PDS5B: variants seen among roughly 807,000 people sequenced by gnomAD.
The protein encoded by PDS5B is sister chromatid cohesion protein PDS5 homolog B.
A neutral mutation model predicts 184.1 loss-of-function variants in PDS5B; 51 were observed. The observed-to-expected ratio is 0.28, with a 90% CI of 0.22 to 0.35. The LOEUF is 0.35. Among genes scored for constraint, PDS5B ranks in the 10% least tolerant of loss-of-function variants. PDS5B has a pLI of 1.00. For synonymous variants in PDS5B, 566 were observed against 569.2 expected (o/e 0.99, Z 0.08); for missense variants, 1,180 against 1,723.3 (o/e 0.68, Z 5.58).
At chr13:32,750,835 C>T (rs191960982) in intron 24 of PDS5B, among the ~76,000 whole-genome samples, 2 of 147,084 alleles carry the variant, frequency 1.4e-5, no homozygotes, top group East Asian at 2.0e-4. Context: ...AGCCACTGCG[C>T]CCGGCCTCCC....
intron 3 of PDS5B, among the ~76,000 whole-genome samples, chr13:32,655,370 A>ATTTTTTTTTTTTTTTTTTTTTTT (rs1228061305): frequency 7.4e-5 from 2 of 26,946 alleles, no homozygotes; most frequent in Non-Finnish European, 1.3e-4. Context: ...ATATATATAT[A>ATTTTTTTTTTTTTTTTTTTTTTT]TATATTTTTT....
At chr13:32,752,836 C>A (rs1566411033) in intron 24 of PDS5B, among the ~76,000 whole-genome samples, 1 of 152,068 alleles carries the variant, frequency 6.6e-6, no homozygotes, top group Non-Finnish European at 1.5e-5. Flanking sequence ...CTTTTTATTT[C>A]TTTATTAAGA....
chr13:32,640,318 C>T (rs1190290087), intron 1 of PDS5B, among the ~76,000 whole-genome samples: 6 of 152,240 alleles, frequency 3.9e-5, no homozygotes, highest in Non-Finnish European at 8.8e-5. Context: ...ACGATCTCAG[C>T]TCACTGCAAC....
Position 32,753,554 on chromosome 13 carries a change from TG to T in PDS5B, c.2941+20del. On this transcript the variant is annotated intron_variant, in intron 25 of 34. Transcript: ENST00000315596. ...TGTTAGTGGTAAGCATATAAGAAAA[TG>T]GAAAGGATACTTTTTCAGCCTGCTA... 1 of 1,557,830 alleles carries T rather than the reference TG, an allele frequency of 6.4e-7. No homozygotes were observed. The highest frequency in any genetic ancestry group is 8.8e-7 in the Non-Finnish European group (1 of 1,138,080).
intron 7 of PDS5B, among the ~76,000 whole-genome samples, chr13:32,668,384 G>A (rs1333554288): frequency 6.6e-6 from 1 of 152,094 alleles, no homozygotes; most frequent in African/African-American, 2.4e-5. Context: ...AATAAAATGA[G>A]ACCTTTCAGT....
At chr13:32,642,122 C>T (rs17077706) in intron 1 of PDS5B, among the ~76,000 whole-genome samples, 1,579 of 152,294 alleles carry the variant, frequency 0.01, 37 homozygotes, top group African/African-American at 0.035. Flanking sequence ...TCATTGCCTA[C>T]AGTCAGTTCC....
intron 1 of PDS5B, among the ~76,000 whole-genome samples, chr13:32,642,894 A>G (rs965498993): frequency 1.3e-5 from 2 of 152,126 alleles, no homozygotes; most frequent in African/African-American, 4.8e-5. Context: ...TTCAGAATCA[A>G]CTGTGATTCA....
intron 23 of PDS5B, 87 bp from the exon 24 acceptor site, chr13:32,745,890 C>T: frequency 8.8e-7 from 1 of 1,133,556 alleles, no homozygotes; most frequent in Non-Finnish European, 1.3e-6. Flanking sequence ...CTTTTTTGTG[C>T]CAGAATTTTT....
intron 2 of PDS5B, 87 bp downstream of exon 2, chr13:32,648,967 G>A (rs1566282760): frequency 1.4e-6 from 1 of 738,338 alleles, no homozygotes; most frequent in East Asian, 2.5e-5. Context: ...ATCTTGTTGG[G>A]GTAACTTAAA....
chr13:32,598,169 G>A (rs1191923485), intron 1 of PDS5B, among the ~76,000 whole-genome samples: 2 of 136,814 alleles, frequency 1.5e-5, no homozygotes. Context: ...TCCACCTCCC[G>A]GGTTCAAGCA....
intron 24 of PDS5B, among the ~76,000 whole-genome samples, chr13:32,751,557 T>C (rs1026131839): frequency 2.6e-5 from 4 of 152,232 alleles, no homozygotes; most frequent in Non-Finnish European, 5.9e-5. Context: ...CCGTTCTGAC[T>C]GGTATGAGAT....
intron 1 of PDS5B, among the ~76,000 whole-genome samples, chr13:32,594,674 CT>C (rs1424315387): frequency 6.6e-6 from 1 of 152,174 alleles, no homozygotes; most frequent in Non-Finnish European, 1.5e-5. Context: ...GAATGCAATG[CT>C]TTTTGAAGTC....
At chr13:32,593,744 C>T (rs947420895) in intron 1 of PDS5B, among the ~76,000 whole-genome samples, 35 of 151,944 alleles carry the variant, frequency 2.3e-4, no homozygotes, top group African/African-American at 7.7e-4. Context: ...AGTGGATCAT[C>T]GTAAAGGTCG....
chr13:32,632,181 G>A lies in PDS5B; in HGVS notation c.-19-16573G>A, dbSNP rs1243007172. 2.0e-5 allele frequency among the ~76,000 whole-genome samples: 3 copies of A among 151,866 alleles called. No individual in the cohort carries two copies. In the East Asian group the frequency reaches 5.8e-4, roughly 29 times the overall value. Reference sequence around the variant, plus strand: ...GCACAAACAATAAAAAATATATATTGGACTTTATAAAAATTAAAAACTTTT... The same window carrying A: ...GCACAAACAATAAAAAATATATATTAGACTTTATAAAAATTAAAAACTTTT... On this transcript the variant is annotated intron_variant, in intron 1 of 34. Coordinates refer to ENST00000315596, the MANE Select transcript of PDS5B (RefSeq NM_015032.4).
intron 1 of PDS5B, among the ~76,000 whole-genome samples, chr13:32,639,797 T>C (rs944401324): frequency 1.3e-5 from 2 of 152,244 alleles, no homozygotes; most frequent in African/African-American, 4.8e-5. Context: ...TTCCTTTGAA[T>C]TCCACCTCAA....
intron 16 of PDS5B, 52 bp from the exon 17 acceptor site, chr13:32,701,271 T>G: frequency 1.1e-6 from 1 of 924,000 alleles, no homozygotes; most frequent in Non-Finnish European, 1.7e-6. Context: ...TATTTTAACA[T>G]AATGATTTGT....
chr13:32,740,157 C>A (rs944917526), intron 21 of PDS5B, among the ~76,000 whole-genome samples: 1 of 152,068 alleles, frequency 6.6e-6, no homozygotes, highest in South Asian at 2.1e-4. Context: ...TATTAGAATT[C>A]TGTGTTTCAA....
At chr13:32,722,184 G>C (rs1430538573) in intron 19 of PDS5B, among the ~76,000 whole-genome samples, 1 of 152,192 alleles carries the variant, frequency 6.6e-6, no homozygotes, top group Non-Finnish European at 1.5e-5. Context: ...GCGAAACCCC[G>C]TCTCCACCAA....
chr13:32,662,498 T>G (rs1950677580), intron 6 of PDS5B, among the ~76,000 whole-genome samples: 1 of 152,134 alleles, frequency 6.6e-6, no homozygotes. Context: ...TTAACATGTA[T>G]TTTAGTGATT....
Sources: gnomAD v4.1 joint callset for allele counts (sites outside exome capture counted in the v4.1 genomes callset) on GRCh38, gnomAD v4.1.1 for gene constraint, MANE v1.5 for transcripts, NCBI Gene and HGNC (gene_info 2026-07-23, HGNC 2026-07-21) for gene names.